Variants in SPRY4 observed in about 807,000 individuals in gnomAD.
SPRY4 encodes the protein protein sprouty homolog 4.
Under a neutral mutation model 17.0 loss-of-function variants are expected in SPRY4, and 7 were observed. That is an observed-to-expected ratio of 0.41 (90% CI 0.23 to 0.77). The LOEUF (loss-of-function observed/expected upper bound fraction) is 0.77. Ranked by LOEUF, SPRY4 falls within the 30% of genes least tolerant of loss-of-function variation. SPRY4 has a pLI of 0.32. For synonymous variants in SPRY4, 183 were observed against 174.1 expected (o/e 1.05, Z -0.40); for missense variants, 435 against 419.9 (o/e 1.04, Z -0.31).
At chr5:142,323,284 AGAC>A (rs921583857) in intron 1 of SPRY4, among the ~76,000 whole-genome samples, 1 of 151,906 alleles carries the variant, frequency 6.6e-6, no homozygotes, top group Non-Finnish European at 1.5e-5. Flanking sequence ...CTACAGACAC[AGAC>A]GAGTGCTTGC....
chr5:142,322,829 T>C (rs1257739723), intron 1 of SPRY4, among the ~76,000 whole-genome samples: 2 of 152,160 alleles, frequency 1.3e-5, no homozygotes. Flanking sequence ...CATGGCGTGG[T>C]TGGTAAGTGT....
chr5:142,317,463 G>A (rs944606858), intron 1 of SPRY4: 3 of 985,220 alleles, frequency 3.0e-6, no homozygotes, highest in Admixed American at 6.1e-5. Context: ...TCCAGAAACC[G>A]ATGTCAGGAA....
At position 142,314,353 on chromosome 5, in the gene SPRY4, C is replaced by A. The variant is rs766027202; in HGVS notation, c.756G>T (p.Leu252=). The change falls in exon 2 of 2, where the codon CTG becomes CTT. Residue 252 remains leucine, a synonymous_variant. Coordinates refer to ENST00000434127, the MANE Select transcript of SPRY4 (RefSeq NM_001127496.3). This position sits in a 1 kb window ranked among gnomAD's most constrained non-coding sequence, Gnocchi z 4.8. ...SVVLPCLLCY[L]PATGCVKLAQ... ...CCAGCTTCACGCAGCCGGTGGCAGG[C>A]AGGTAGCAGAGCAGGCAGGGCAGCA... 1 of 1,614,034 alleles carries A rather than the reference C, an allele frequency of 6.2e-7. No homozygotes were observed. Among genetic ancestry groups the A allele is most frequent in the Non-Finnish European group, 8.5e-7 (1 of 1,179,990 alleles).
chr5:142,314,248 G>T lies in SPRY4; in HGVS notation c.861C>A (p.Ser287Arg). 6.2e-7 allele frequency: 1 copy of T among 1,612,120 alleles called. No individual in the cohort carries two copies. ...HTNSVICKAA[S>R]GDAKTSRPDK... ...CGGGCCTGCTGGTCTTGGCATCCCC[G>T]CTGGCTGCTTTGCAGATGACGCTGT... The change falls in exon 2 of 2, where the codon AGC (serine) becomes AGA (arginine). Residue 287 changes from serine (S) to arginine (R), a missense_variant. Physicochemically the swap from Ser to Arg is moderately radical, Grantham distance 110 (BLOSUM62 -1). Transcript: ENST00000434127. The surrounding 1 kb of genome is among the most constrained non-coding windows in gnomAD (Gnocchi z 4.8).
chr5:142,323,040 T>TAAA (rs397882276), intron 1 of SPRY4, among the ~76,000 whole-genome samples: 34 of 119,518 alleles, frequency 2.8e-4, no homozygotes, highest in African/African-American at 8.3e-4. Context: ...ACACCCGCCC[T>TAAA]AAAAAAAAAA....
intron 1 of SPRY4, chr5:142,318,231 T>TCTCAC: frequency 2.1e-6 from 2 of 974,494 alleles, no homozygotes; most frequent in South Asian, 9.5e-5. Flanking sequence ...ATGCCTGTAA[T>TCTCAC]CTCAGCCTTT....
rs542916261 is a variant in SPRY4 at position 142,311,240 on chromosome 5, C to A, written c.*2969G>T. 1 of 152,334 alleles carries A rather than the reference C, an allele frequency of 6.6e-6. No homozygotes were observed. Among genetic ancestry groups the A allele is most frequent in the South Asian group, 2.1e-4 (1 of 4,828 alleles). The allele number at this position is 152,334 out of a possible 1,614,324, so 9.4% of individuals were successfully genotyped here. On this transcript the variant is annotated 3_prime_UTR_variant, in exon 2 of 2. Transcript: ENST00000434127. ...GGGCTTTGCTACCCAAGACCCAGTT[C>A]CCAGGGTGCTCGCGGAAGCGCTGTC...
chr5:142,315,151 G>A lies in SPRY4; in HGVS notation c.-43C>T, dbSNP rs1004896745. 4 of 1,582,818 alleles carry A rather than the reference G, an allele frequency of 2.5e-6. No homozygotes were observed. Among genetic ancestry groups the A allele is most frequent in the Non-Finnish European group, 3.4e-6 (4 of 1,167,430 alleles). On this transcript the variant is annotated 5_prime_UTR_variant, in exon 2 of 2. Coordinates refer to ENST00000434127, the MANE Select transcript of SPRY4 (RefSeq NM_001127496.3). ...ACTGTACGGAGAAACAGGCTTCTAG[G>A]GGCCCTGGGGGTGGGGTGGGGAAAA...
intron 1 of SPRY4, chr5:142,315,444 C>T (rs760042627): frequency 5.6e-6 from 2 of 357,192 alleles, no homozygotes; most frequent in Non-Finnish European, 1.0e-5. Context: ...CTACTATTAT[C>T]CCCCTTTTCT....
rs750768332 is a variant in SPRY4, at chr5:142,315,052, C to T, written c.57G>A (p.Gln19=). 2.0e-5 allele frequency: 32 copies of T among 1,613,434 alleles called. No individual in the cohort carries two copies. The highest frequency in any genetic ancestry group is 2.2e-5 in the Non-Finnish European group (26 of 1,179,974). The change falls in exon 2 of 2, where the codon CAG becomes CAA. Residue 19 remains glutamine (Q), a synonymous_variant. Transcript: ENST00000434127. The stretch of plus-strand genomic sequence containing the variant: ...GGGACATCCGGCTGTCAAGAAGGGG[C>T]TGGACCATGACTGAGTTGGGAGTCA... ...APLTPNSVMV[Q]PLLDSRMSHS... is the part of the protein sequence containing the mutation.
rs1758959737 is a variant in SPRY4 at position 142,312,531 on chromosome 5, C to T, written c.*1678G>A. The T allele has an allele frequency of 6.6e-6, 1 of 152,160 alleles. No individual in the cohort carries two copies. The highest frequency in any genetic ancestry group is 1.5e-5 in the Non-Finnish European group (1 of 68,022). The allele number at this position is 152,160 out of a possible 1,614,324, so 9.4% of individuals were successfully genotyped here. A position where few individuals can be genotyped will look rare whatever the true frequency, so the allele number is the denominator to read the frequency against. ...CTATCATAGCTACCTACCTCGCTGC[C>T]TCCTTCCCGGAGGCACCTCTGTTCC... On this transcript the variant is annotated 3_prime_UTR_variant, in exon 2 of 2. Coordinates refer to ENST00000434127, the MANE Select transcript of SPRY4 (RefSeq NM_001127496.3).
At chr5:142,323,494 C>T (rs1759421333) in intron 1 of SPRY4, among the ~76,000 whole-genome samples, 2 of 152,208 alleles carry the variant, frequency 1.3e-5, no homozygotes, top group Admixed American at 1.3e-4. Context: ...CGGCCTCCTG[C>T]CCTCACAGAG....
rs1309998197 is a variant in SPRY4, at chr5:142,315,140, C to G, written c.-32G>C. The G allele has an allele frequency of 1.3e-6, 2 of 1,589,526 alleles. No individual in the cohort carries two copies. Among genetic ancestry groups the G allele is most frequent in the Non-Finnish European group, 8.5e-7 (1 of 1,170,874 alleles). On this transcript the variant is annotated 5_prime_UTR_variant, in exon 2 of 2. Coordinates refer to ENST00000434127, the MANE Select transcript of SPRY4 (RefSeq NM_001127496.3). ...GGAGGTCCTGGACTGTACGGAGAAA[C>G]AGGCTTCTAGGGGCCCTGGGGGTGG...
At position 142,313,861 on chromosome 5, in the gene SPRY4, G is replaced by T. The variant is rs1759022766; in HGVS notation, c.*348C>A. 6 of 221,878 alleles carry T rather than the reference G, an allele frequency of 2.7e-5. No individual in the cohort carries two copies. In the South Asian group the frequency reaches 6.4e-4, roughly 24 times the overall value. 13.7% of individuals were successfully genotyped at this position (221,878 alleles called of 1,614,324 possible). ...CGGAGGGAGGGAGGGAGAAGGAGGGGCTGGGAAGGCATTCAAGCAGCTGCA... is the reference window on the plus strand; with the variant it reads ...CGGAGGGAGGGAGGGAGAAGGAGGGTCTGGGAAGGCATTCAAGCAGCTGCA... On this transcript the variant is annotated 3_prime_UTR_variant, in exon 2 of 2. Coordinates refer to ENST00000434127, the MANE Select transcript of SPRY4 (RefSeq NM_001127496.3).
chr5:142,324,599 C>T lies in SPRY4; in HGVS notation c.-48+245G>A, dbSNP rs540565559. Among the ~76,000 whole-genome samples the T allele has an allele frequency of 5.3e-5, 8 of 152,294 alleles. No individual in the cohort carries two copies. The East Asian group carries it at 1.4e-3, about 26-fold the overall frequency. On this transcript the variant is annotated intron_variant, in intron 1 of 1. Coordinates refer to ENST00000434127, the MANE Select transcript of SPRY4 (RefSeq NM_001127496.3). Reference sequence around the variant, plus strand: ...AGTCTCAGAGGGCGGGGAAGCCGGGCTTGGCAATGCCCAGGGGTCGGAAAC... The same window carrying T: ...AGTCTCAGAGGGCGGGGAAGCCGGGTTTGGCAATGCCCAGGGGTCGGAAAC...
chr5:142,314,158 C>T lies in SPRY4; in HGVS notation c.*51G>A. ...ACCTTGCTGCAGTCTTCTTAGATGTCAGAAGAGAACCAGGTTTCCAGGCAG... is the reference window on the plus strand; with the variant it reads ...ACCTTGCTGCAGTCTTCTTAGATGTTAGAAGAGAACCAGGTTTCCAGGCAG... On this transcript the variant is annotated 3_prime_UTR_variant, in exon 2 of 2. Coordinates refer to ENST00000434127, the MANE Select transcript of SPRY4 (RefSeq NM_001127496.3). This position sits in a 1 kb window ranked among gnomAD's most constrained non-coding sequence, Gnocchi z 4.8. 2 of 1,542,028 alleles carry T rather than the reference C, an allele frequency of 1.3e-6. No individual in the cohort carries two copies. The highest frequency in any genetic ancestry group is 1.7e-6 in the Non-Finnish European group (2 of 1,144,070).
intron 1 of SPRY4, among the ~76,000 whole-genome samples, chr5:142,323,434 T>C (rs1759418489): frequency 6.6e-6 from 1 of 152,218 alleles, no homozygotes; most frequent in Admixed American, 6.5e-5. Context: ...CACTCTTCTT[T>C]CCAGCACTAA....
intron 1 of SPRY4, among the ~76,000 whole-genome samples, 155 bp downstream of exon 1, chr5:142,324,689 C>T (rs1031990625): frequency 1.3e-5 from 2 of 152,166 alleles, no homozygotes; most frequent in Non-Finnish European, 2.9e-5. Flanking sequence ...CAGGGAGCTG[C>T]GGCGCACCGC....
At chr5:142,316,948 T>G in intron 1 of SPRY4, 1 of 976,772 alleles carries the variant, frequency 1.0e-6, no homozygotes. Context: ...ACACGCCTTG[T>G]TTTTCCTGTC....
Sources: allele counts gnomAD v4.1 joint callset (sites outside exome capture counted in the v4.1 genomes callset), GRCh38; gene constraint gnomAD v4.1.1; non-coding constraint Gnocchi (gnomAD v3.1); transcripts MANE v1.5; gene names NCBI Gene and HGNC (gene_info 2026-07-23, HGNC 2026-07-21).